The following HIVEP3 variants were observed in gnomAD, a reference collection of about 807,000 sequenced individuals.
HIVEP3 encodes the protein transcription factor HIVEP3.
A neutral mutation model predicts 152.8 loss-of-function variants in HIVEP3; 49 were observed. The observed-to-expected ratio is 0.32, with a 90% confidence interval of 0.26 to 0.41. HIVEP3 has a LOEUF of 0.41. HIVEP3 is among the 10% of genes least tolerant of loss of function. The probability of loss-of-function intolerance (pLI) is 1.00; values close to 1 mark genes in which losing one functional copy is unlikely to be tolerated. For missense variants in HIVEP3, 2,790 were observed against 3,103.3 expected, an observed-to-expected ratio of 0.90 and a Z score of 2.40; for synonymous variants, 1,269 against 1,289.0, an observed-to-expected ratio of 0.98 and a Z score of 0.33.
intron 1 of HIVEP3, among the ~76,000 whole-genome samples, chr1:41,805,453 C>T (rs1018326839): frequency 6.6e-5 from 10 of 152,356 alleles, no homozygotes; most frequent in African/African-American, 2.4e-4. Context: ...TACACGTGCC[C>T]TTCCATGGAA....
chr1:41,647,376 G>A (rs964590518), intron 2 of HIVEP3, among the ~76,000 whole-genome samples: 1 of 152,184 alleles, frequency 6.6e-6, no homozygotes, highest in African/African-American at 2.4e-5. Flanking sequence ...CACCCTCCTG[G>A]CTGCCTGCTT....
intron 1 of HIVEP3, among the ~76,000 whole-genome samples, chr1:41,745,623 G>A (rs890713120): frequency 6.6e-6 from 1 of 152,200 alleles, no homozygotes. Flanking sequence ...GACATACCAC[G>A]TGTCTTTCCT....
intron 5 of HIVEP3, among the ~76,000 whole-genome samples, chr1:41,530,944 T>C (rs1464246080): frequency 1.3e-5 from 2 of 152,136 alleles, no homozygotes; most frequent in Non-Finnish European, 2.9e-5. Flanking sequence ...CAGCACCTTG[T>C]CACATCAGGG....
At chr1:41,962,888 C>A (rs886377983) in intron 1 of HIVEP3, among the ~76,000 whole-genome samples, 3 of 152,224 alleles carry the variant, frequency 2.0e-5, no homozygotes, top group African/African-American at 7.2e-5. Flanking sequence ...GATAATTTTT[C>A]ATCATGGAGA....
At chr1:41,589,817 C>T (rs889261842) in intron 3 of HIVEP3, among the ~76,000 whole-genome samples, 4 of 152,244 alleles carry the variant, frequency 2.6e-5, no homozygotes, top group African/African-American at 9.6e-5. Context: ...TTTACTTACA[C>T]ACACACACCC....
chr1:41,975,420 T>C (rs1228980233), intron 1 of HIVEP3, among the ~76,000 whole-genome samples: 1 of 152,138 alleles, frequency 6.6e-6, no homozygotes, highest in East Asian at 1.9e-4. Flanking sequence ...CCCACCACAA[T>C]GTTTCCAGGC....
At chr1:41,885,650 G>A (rs1332519461) in intron 1 of HIVEP3, among the ~76,000 whole-genome samples, 4 of 152,160 alleles carry the variant, frequency 2.6e-5, no homozygotes, top group Non-Finnish European at 5.9e-5. Context: ...GTGACAGAGT[G>A]AGACTCCGTC....
intron 5 of HIVEP3, among the ~76,000 whole-genome samples, chr1:41,551,912 G>C (rs981248026): frequency 2.6e-5 from 4 of 151,988 alleles, no homozygotes; most frequent in Non-Finnish European, 1.5e-5. Flanking sequence ...GCTATTTCTT[G>C]CCTTCTGCTA....
intron 5 of HIVEP3, among the ~76,000 whole-genome samples, chr1:41,564,526 G>A (rs1264269017): frequency 1.3e-5 from 2 of 152,174 alleles, no homozygotes. Flanking sequence ...GGGTTGTAGA[G>A]AAGATCCTAA....
intron 1 of HIVEP3, among the ~76,000 whole-genome samples, chr1:41,815,753 GT>G (rs35558509): frequency 0.32 from 46,951 of 144,930 alleles, 8,187 homozygotes; most frequent in East Asian, 0.75. Context: ...CTTTTTTATT[GT>G]TTTTTTTTTT....
At chr1:41,812,285 C>T (rs1651006349) in intron 1 of HIVEP3, among the ~76,000 whole-genome samples, 1 of 152,034 alleles carries the variant, frequency 6.6e-6, no homozygotes, top group Non-Finnish European at 1.5e-5. Context: ...TAATAAGATG[C>T]CATGGGCCGG....
At position 41,644,091 on chromosome 1, in the gene HIVEP3, G is replaced by T. The variant is rs532842963; in HGVS notation, c.-720-15144C>A. 2.6e-5 allele frequency among the ~76,000 whole-genome samples: 4 copies of T among 151,862 alleles called. No individual in the cohort carries two copies. In the South Asian group the frequency reaches 8.3e-4, roughly 32 times the overall value. On this transcript the variant is annotated intron_variant, in intron 2 of 8. Transcript: ENST00000372583. ...TGTGGAGATGAGGTCTCACTATGTT[G>T]CCCAGGCTGGTCTCAAACTCCTGAG...
intron 1 of HIVEP3, among the ~76,000 whole-genome samples, chr1:41,818,179 A>G (rs573935403): frequency 4.6e-5 from 7 of 152,368 alleles, no homozygotes; most frequent in African/African-American, 1.7e-4. Flanking sequence ...TAGGCAATTC[A>G]TGGAAGGGAG....
chr1:41,607,930 T>G (rs59881556), intron 3 of HIVEP3, among the ~76,000 whole-genome samples: 10,529 of 152,082 alleles, frequency 0.069, 1,031 homozygotes, highest in East Asian at 0.47. Flanking sequence ...CCCTACTCAG[T>G]GGGAACGATA....
In HIVEP3 at chr1:41,513,235, G is replaced by A. The variant is rs752589711; in HGVS notation, c.5986C>T (p.Arg1996Ter). 2.5e-6 allele frequency: 4 copies of A among 1,613,656 alleles called. No individual in the cohort carries two copies. Among genetic ancestry groups the A allele is most frequent in the Non-Finnish European group, 3.4e-6 (4 of 1,179,972 alleles). The change falls in exon 8 of 9, where the codon CGA becomes TGA. Residue 1996 changes from arginine to a stop codon, truncating the protein, a stop_gained. Coordinates refer to ENST00000372583, the MANE Select transcript of HIVEP3 (RefSeq NM_024503.5). LOFTEE classifies it high-confidence loss of function. ...TGTGGTTCTCGGGCCGGGGAGCATCGCTGGGGAGATGAGTCGTTTTTGGTT... is the reference window on the plus strand; with the variant it reads ...TGTGGTTCTCGGGCCGGGGAGCATCACTGGGGAGATGAGTCGTTTTTGGTT... ...SLTKNDSSPQ[R>*]CSPAREPQAS...
intron 5 of HIVEP3, among the ~76,000 whole-genome samples, chr1:41,572,465 TCTAG>T (rs1230472793): frequency 6.6e-6 from 1 of 152,160 alleles, no homozygotes; most frequent in African/African-American, 2.4e-5. Context: ...GGAAGCCCTC[TCTAG>T]CTATTCCATC....
intron 1 of HIVEP3, among the ~76,000 whole-genome samples, chr1:41,867,066 C>T (rs1263323223): frequency 1.3e-5 from 2 of 152,184 alleles, no homozygotes; most frequent in East Asian, 3.9e-4. Context: ...AGAGCCAGGG[C>T]CAGTCTTTCC....
intron 5 of HIVEP3, among the ~76,000 whole-genome samples, chr1:41,545,859 T>A (rs570823355): frequency 8.5e-4 from 129 of 151,992 alleles, no homozygotes; most frequent in Admixed American, 2.3e-3. Flanking sequence ...ATTCCAGTCC[T>A]GGCCCTAGTC....
chr1:41,516,846 C>G (rs1038810672), intron 7 of HIVEP3, among the ~76,000 whole-genome samples: 1 of 152,274 alleles, frequency 6.6e-6, no homozygotes, highest in Non-Finnish European at 1.5e-5. Context: ...CTCACACCGC[C>G]CTGTCTAGCA....
Sources: gnomAD v4.1 joint callset for allele counts (sites outside exome capture counted in the v4.1 genomes callset) on GRCh38, gnomAD v4.1.1 for gene constraint, MANE v1.5 for transcripts, NCBI Gene and HGNC (gene_info 2026-07-23, HGNC 2026-07-21) for gene names.